CCNC: variants seen among roughly 807,000 people sequenced by gnomAD.
CCNC encodes the protein cyclin C.
Under a neutral mutation model 50.0 loss-of-function variants are expected in CCNC, and 19 were observed. The ratio of observed to expected loss-of-function variants is 0.38; its 90% CI spans 0.27 to 0.56. The LOEUF is 0.56. Among genes scored for constraint, CCNC ranks in the 20% least tolerant of loss-of-function variants. The pLI is 0.72. For synonymous variants in CCNC, 93 were observed against 103.7 expected, an observed-to-expected ratio of 0.90 and a Z score of 0.63; for missense variants, 200 against 327.1, an observed-to-expected ratio of 0.61 and a Z score of 3.00.
At chr6:99,568,687 G>A, upstream of CCNC, 1 of 1,479,020 alleles carries the variant, frequency 6.8e-7, no homozygotes, top group Non-Finnish European at 8.9e-7. Context: ...TGGCCCCCTA[G>A]TCTCCTTCAC....
chr6:99,547,769 A>G (rs1802128112), intron 9 of CCNC, among the ~76,000 whole-genome samples: 1 of 152,186 alleles, frequency 6.6e-6, no homozygotes, highest in Non-Finnish European at 1.5e-5. Flanking sequence ...CTAGCTCAAC[A>G]GTTTGGAAGA....
chr6:99,551,832 A>G lies in CCNC; in HGVS notation c.402+8T>C, dbSNP rs1224342244. ...TGATAATTGTTCCATTTTATATCAT[A>G]TACTTACATGATTCATCCTATAAGG... On this transcript the variant is annotated splice_region_variant and intron_variant, in intron 6 of 11. Coordinates refer to ENST00000520429, the MANE Select transcript of CCNC (RefSeq NM_005190.4). 4 of 1,396,158 alleles carry G rather than the reference A, an allele frequency of 2.9e-6. No homozygotes were observed. In the East Asian group the frequency reaches 1.0e-4, roughly 36 times the overall value. 86.5% of individuals were successfully genotyped at this position (1,396,158 alleles called of 1,614,324 possible).
intron 1 of CCNC, among the ~76,000 whole-genome samples, chr6:99,565,524 G>A (rs989627141): frequency 3.3e-5 from 5 of 151,602 alleles, no homozygotes; most frequent in Non-Finnish European, 5.9e-5. Context: ...TTATTTCCAC[G>A]TATTGATAAT....
chr6:99,551,001 C>A lies in CCNC; in HGVS notation c.430G>T (p.Glu144Ter). Residue 144 changes from glutamate (E) to a stop codon, truncating the protein, a stop_gained, in exon 7 of 12, where the codon GAA (glutamate) becomes TAA (stop). Transcript: ENST00000520429. LOFTEE classifies it high-confidence loss of function. ...ACAGAAGATTTACTTACCATTAGTT[C>A]TAACAGATAGAATTCACATTCTAAT... ...HILECEFYLL[E>*]LMDCCLIVYH... 2 of 1,084,308 alleles carry A rather than the reference C, an allele frequency of 1.8e-6. No homozygotes were observed. Among genetic ancestry groups the A allele is most frequent in the South Asian group, 1.7e-5 (1 of 57,572 alleles). The allele number at this position is 1,084,308 out of a possible 1,614,324, so 67.2% of individuals were successfully genotyped here.
At chr6:99,565,563 ATC>A (rs1769089060) in intron 1 of CCNC, among the ~76,000 whole-genome samples, 1 of 151,876 alleles carries the variant, frequency 6.6e-6, no homozygotes, top group Non-Finnish European at 1.5e-5. Flanking sequence ...TTCTTTCTAT[ATC>A]TCCTTTGTAT....
chr6:99,568,786 T>C (rs982817870), upstream of CCNC: 3 of 1,198,342 alleles, frequency 2.5e-6, no homozygotes, highest in Non-Finnish European at 2.2e-6. Flanking sequence ...GGGGAGGTGC[T>C]GACCCTTGGA....
intron 10 of CCNC, among the ~76,000 whole-genome samples, chr6:99,546,172 G>A (rs575396970): frequency 7.0e-4 from 106 of 152,068 alleles, no homozygotes; most frequent in Middle Eastern, 3.4e-3. Context: ...CACCATATTG[G>A]TCAGGCTGGT....
rs151028801 is a variant in CCNC, at chr6:99,568,002, A to G, written c.32+494T>C. 500 of 155,594 alleles carry G rather than the reference A, an allele frequency of 3.2e-3. 2 individuals carry two copies. Among genetic ancestry groups the G allele is most frequent in the African/African-American group, 0.012 (487 of 41,606 alleles). The allele number at this position is 155,594 out of a possible 1,614,324, so 9.6% of individuals were successfully genotyped here. ...AAAGTACGCGCAAGAAGCGGTTAGTAGGCAGAAACAAGCCAGACTCTCTCC... is the reference window on the plus strand; with the variant it reads ...AAAGTACGCGCAAGAAGCGGTTAGTGGGCAGAAACAAGCCAGACTCTCTCC... On this transcript the variant is annotated intron_variant, in intron 1 of 11. Transcript: ENST00000520429.
At position 99,568,639 on chromosome 6, in the gene CCNC, G is replaced by C. The variant is rs913561515; in HGVS notation, c.-112C>G. ...CTCCTCGATCAAATCAGCTCGGCTC[G>C]ACTCCGCTCCGCGGCGGCGACGGCG... On this transcript the variant is annotated 5_prime_UTR_variant, in exon 1 of 12. Coordinates refer to ENST00000520429, the MANE Select transcript of CCNC (RefSeq NM_005190.4). 1 of 1,540,566 alleles carries C rather than the reference G, an allele frequency of 6.5e-7. No individual in the cohort carries two copies.
At chr6:99,550,785 T>G (rs1477500259) in intron 7 of CCNC, 1 of 277,200 alleles carries the variant, frequency 3.6e-6, no homozygotes, top group African/African-American at 2.2e-5. Flanking sequence ...ACAGAAAAAT[T>G]TTCCCATCCT....
At chr6:99,556,900 G>A (rs1422836313) in intron 5 of CCNC, among the ~76,000 whole-genome samples, 7 of 152,194 alleles carry the variant, frequency 4.6e-5, no homozygotes, top group Admixed American at 2.0e-4. Flanking sequence ...CAGCCTGGGC[G>A]GCTGAGCGAG....
intron 9 of CCNC, among the ~76,000 whole-genome samples, chr6:99,548,379 A>C (rs1802154560): frequency 6.6e-6 from 1 of 152,228 alleles, no homozygotes; most frequent in Non-Finnish European, 1.5e-5. Flanking sequence ...CCAGTAATAC[A>C]GAAGTGTAAG....
chr6:99,552,538 T>A (rs1201819167), intron 5 of CCNC, among the ~76,000 whole-genome samples: 2 of 152,034 alleles, frequency 1.3e-5, no homozygotes, highest in African/African-American at 4.8e-5. Context: ...AGTCACTAAA[T>A]AAAGTACAAA....
chr6:99,560,709 T>C (rs1459167180), intron 4 of CCNC, among the ~76,000 whole-genome samples: 3 of 152,242 alleles, frequency 2.0e-5, no homozygotes, highest in Non-Finnish European at 4.4e-5. Flanking sequence ...AGAAATTCAG[T>C]CTCTGCCGCA....
intron 11 of CCNC, among the ~76,000 whole-genome samples, chr6:99,544,654 C>A: frequency 6.7e-6 from 1 of 149,664 alleles, no homozygotes; most frequent in Non-Finnish European, 1.5e-5. Context: ...ACTTAAAAAC[C>A]AAAATTCTTT....
intron 6 of CCNC, 37 bp downstream of exon 6, chr6:99,551,803 G>T: frequency 7.9e-7 from 1 of 1,260,532 alleles, no homozygotes; most frequent in Non-Finnish European, 1.1e-6. Context: ...TTTATATATA[G>T]CTTTGATAAT....
intron 1 of CCNC, among the ~76,000 whole-genome samples, chr6:99,567,671 A>G (rs1428849436): frequency 6.6e-6 from 1 of 152,186 alleles, no homozygotes; most frequent in East Asian, 1.9e-4. Flanking sequence ...TACCTTGTCA[A>G]ATTCTGTTCA....
At chr6:99,555,424 C>G (rs1486770573) in intron 5 of CCNC, among the ~76,000 whole-genome samples, 1 of 119,944 alleles carries the variant, frequency 8.3e-6, no homozygotes, top group Admixed American at 9.5e-5. Context: ...CAGCATAAGA[C>G]ATTGTGGAAC....
intron 1 of CCNC, among the ~76,000 whole-genome samples, chr6:99,567,463 T>C (rs1291070716): frequency 6.6e-6 from 1 of 152,120 alleles, no homozygotes; most frequent in Non-Finnish European, 1.5e-5. Flanking sequence ...GTAAAGCTTC[T>C]TTAACATGTC....
Sources: gnomAD v4.1 joint callset for allele counts (sites outside exome capture counted in the v4.1 genomes callset) on GRCh38, gnomAD v4.1.1 for gene constraint, MANE v1.5 for transcripts, NCBI Gene and HGNC (gene_info 2026-07-23, HGNC 2026-07-21) for gene names.